The following DOCK3 variants were observed in gnomAD, a reference collection of about 807,000 sequenced individuals.
DOCK3 encodes dedicator of cytokinesis 3.
A neutral mutation model predicts 265.6 loss-of-function variants in DOCK3; 60 were observed. The ratio of observed to expected loss-of-function variants is 0.23; its 90% confidence interval spans 0.18 to 0.28. The LOEUF (loss-of-function observed/expected upper bound fraction) is 0.28. DOCK3 is among the 10% of genes least tolerant of loss of function. DOCK3 has a pLI of 1.00. For missense variants in DOCK3, 1,981 were observed against 2,594.3 expected (o/e 0.76, Z 5.14); for synonymous variants, 881 against 938.0 (o/e 0.94, Z 1.11).
intron 5 of DOCK3, among the ~76,000 whole-genome samples, chr3:51,007,016 T>G (rs1211835741): frequency 6.6e-6 from 1 of 152,226 alleles, no homozygotes; most frequent in Non-Finnish European, 1.5e-5. Flanking sequence ...CTTAATCCAG[T>G]CTATCATTGA....
chr3:50,962,328 T>C (rs2076911825), intron 5 of DOCK3, among the ~76,000 whole-genome samples: 1 of 152,218 alleles, frequency 6.6e-6, no homozygotes. Flanking sequence ...AAGTTCCTCT[T>C]CTGATACCTA....
At chr3:51,044,569 A>G (rs1296495832) in intron 5 of DOCK3, among the ~76,000 whole-genome samples, 1 of 150,016 alleles carries the variant, frequency 6.7e-6, no homozygotes, top group East Asian at 2.1e-4. Flanking sequence ...CACTTGTATC[A>G]CTGAACTTAA....
At chr3:51,012,032 C>T (rs1237434631) in intron 5 of DOCK3, among the ~76,000 whole-genome samples, 1 of 152,152 alleles carries the variant, frequency 6.6e-6, no homozygotes, top group Non-Finnish European at 1.5e-5. Flanking sequence ...CAGTCTGCCC[C>T]TACTGGGGGG....
rs528512559 is a variant in DOCK3, at chr3:51,287,164, CTT to C, written c.2922+6963_2922+6964del. Among the ~76,000 whole-genome samples the C allele has an allele frequency of 1.6e-3, 246 of 152,248 alleles. 2 individuals carry two copies. Among genetic ancestry groups the C allele is most frequent in the African/African-American group, 5.1e-3 (213 of 41,544 alleles). ...AGTGGGCAAAAGACATGAACAGACA[CTT>C]TTCAAAAGAGGACATACAGCAAACA... On this transcript the variant is annotated intron_variant, in intron 27 of 52. Coordinates refer to ENST00000266037, the MANE Select transcript of DOCK3 (RefSeq NM_004947.5).
intron 1 of DOCK3, among the ~76,000 whole-genome samples, chr3:50,724,653 G>A (rs906442925): frequency 1.4e-4 from 21 of 151,824 alleles, no homozygotes; most frequent in Non-Finnish European, 2.5e-4. Context: ...ACATGGACAC[G>A]GGGAGGGGAA....
chr3:51,091,946 C>T (rs2082653793), intron 9 of DOCK3, among the ~76,000 whole-genome samples: 1 of 152,126 alleles, frequency 6.6e-6, no homozygotes, highest in Non-Finnish European at 1.5e-5. Context: ...CCATGAGGTA[C>T]TGAGCCTGAC....
intron 1 of DOCK3, among the ~76,000 whole-genome samples, chr3:50,717,696 C>T (rs987599124): frequency 2.6e-5 from 4 of 152,212 alleles, no homozygotes; most frequent in Admixed American, 6.5e-5. Context: ...AATCTCAGCG[C>T]ACTGCAACCT....
At chr3:50,980,799 A>G (rs1575670997) in intron 5 of DOCK3, among the ~76,000 whole-genome samples, 2 of 151,938 alleles carry the variant, frequency 1.3e-5, no homozygotes, top group South Asian at 2.1e-4. Flanking sequence ...ATCAGCTATA[A>G]TATCTCCTTT....
chr3:50,960,913 C>T (rs925670238), intron 5 of DOCK3, among the ~76,000 whole-genome samples: 2 of 151,966 alleles, frequency 1.3e-5, no homozygotes, highest in African/African-American at 4.8e-5. Flanking sequence ...ATTGTTCCAC[C>T]ATCATTTGTT....
chr3:51,026,073 G>A (rs935520531), intron 5 of DOCK3, among the ~76,000 whole-genome samples: 8 of 151,924 alleles, frequency 5.3e-5, no homozygotes, highest in South Asian at 2.1e-4. Context: ...TTCACAGTGT[G>A]AATCTCTACA....
chr3:51,014,130 C>T (rs1575760725), intron 5 of DOCK3, among the ~76,000 whole-genome samples: 2 of 152,250 alleles, frequency 1.3e-5, no homozygotes, highest in Middle Eastern at 3.4e-3. Context: ...CTGGGTGGGG[C>T]AGTGCCCCAC....
At position 51,200,782 on chromosome 3, in the gene DOCK3, G is replaced by A. The variant is rs980718216; in HGVS notation, c.1038-7992G>A. Among the ~76,000 whole-genome samples the A allele has an allele frequency of 8.5e-5, 13 of 152,126 alleles. No homozygotes were observed. The South Asian group carries it at 1.0e-3, about 12-fold the overall frequency. On this transcript the variant is annotated intron_variant, in intron 12 of 52. Transcript: ENST00000266037. ...TTAAGGGCAGCCAGAGAGAAAGGTC[G>A]GGTTACCCACAAAGGGAAGCCCATC...
chr3:51,199,368 G>A (rs1237618978), intron 12 of DOCK3, among the ~76,000 whole-genome samples: 1 of 152,206 alleles, frequency 6.6e-6, no homozygotes, highest in Non-Finnish European at 1.5e-5. Context: ...CTTAAAAAAC[G>A]ACACATCAGG....
At position 51,127,627 on chromosome 3, in the gene DOCK3, T is replaced by C. The variant is rs1025318763; in HGVS notation, c.747-18922T>C. On this transcript the variant is annotated intron_variant, in intron 9 of 52. Coordinates refer to ENST00000266037, the MANE Select transcript of DOCK3 (RefSeq NM_004947.5). ...GTACAAGTGTATACATGCACAAGTG[T>C]TTTTAACAAAAGAAGGAGGAAATAC... Among the ~76,000 whole-genome samples, 3 of 152,310 alleles carry C rather than the reference T, an allele frequency of 2.0e-5. No homozygotes were observed. The South Asian group carries it at 6.2e-4, about 32-fold the overall frequency.
chr3:50,760,817 C>T (rs545499052), intron 1 of DOCK3, among the ~76,000 whole-genome samples: 11 of 149,004 alleles, frequency 7.4e-5, no homozygotes, highest in Non-Finnish European at 4.5e-5. Context: ...GAGTCTTGCT[C>T]TGTCTCTCAG....
At chr3:51,273,437 G>A (rs554681024) in intron 24 of DOCK3, among the ~76,000 whole-genome samples, 1 of 152,312 alleles carries the variant, frequency 6.6e-6, no homozygotes. Context: ...TACCAGTGAT[G>A]TCCTTTAACC....
At chr3:50,795,766 C>T (rs1177505894) in intron 2 of DOCK3, among the ~76,000 whole-genome samples, 1 of 152,162 alleles carries the variant, frequency 6.6e-6, no homozygotes, top group African/African-American at 2.4e-5. Context: ...TCTTTCCTCA[C>T]CTTGGTCTGT....
chr3:50,736,720 A>G (rs543500262), intron 1 of DOCK3, among the ~76,000 whole-genome samples: 123 of 142,992 alleles, frequency 8.6e-4, no homozygotes, highest in Non-Finnish European at 1.5e-3. Flanking sequence ...TTTTTGAGAC[A>G]GAGTCTCATT....
At chr3:50,781,153 A>G (rs190374744) in intron 2 of DOCK3, among the ~76,000 whole-genome samples, 516 of 151,990 alleles carry the variant, frequency 3.4e-3, no homozygotes, top group Admixed American at 5.5e-3. Flanking sequence ...CTTCTGTTCC[A>G]TTGGATAAAA....
Sources: allele counts gnomAD v4.1 joint callset (sites outside exome capture counted in the v4.1 genomes callset), GRCh38; gene constraint gnomAD v4.1.1; transcripts MANE v1.5; gene names NCBI Gene and HGNC (gene_info 2026-07-23, HGNC 2026-07-21).